KIAA0408: variants seen among roughly 807,000 people sequenced by gnomAD.
KIAA0408 encodes KIAA0408.
KIAA0408 carries 51 observed loss-of-function variants against 60.9 expected under a neutral mutation model. That is an observed-to-expected ratio of 0.84 (90% CI 0.67 to 1.06). KIAA0408 has a LOEUF of 1.06. Ranked by LOEUF, KIAA0408 falls within the 50% of genes least tolerant of loss-of-function variation. The probability of loss-of-function intolerance (pLI) is 0.00; values close to 1 mark genes in which losing one functional copy is unlikely to be tolerated. For synonymous variants in KIAA0408, 304 were observed against 282.4 expected (o/e 1.08, Z -0.77); for missense variants, 787 against 833.9 (o/e 0.94, Z 0.69).
At chr6:127,449,081 A>G (rs1773252881) in intron 4 of KIAA0408, among the ~76,000 whole-genome samples, 1 of 152,328 alleles carries the variant, frequency 6.6e-6, no homozygotes, top group South Asian at 2.1e-4. Flanking sequence ...AGTGCTCTTA[A>G]GCATTAAATA....
intron 1 of KIAA0408, 37 bp from the exon 2 acceptor site, chr6:127,454,138 T>C (rs1413154946): frequency 7.7e-7 from 1 of 1,301,906 alleles, no homozygotes; most frequent in Non-Finnish European, 9.8e-7. Flanking sequence ...TCCAAATCCA[T>C]GTGCTTTCTG....
Position 127,444,030 on chromosome 6 carries a change from T to G in KIAA0408, c.*79A>C. On this transcript the variant is annotated 3_prime_UTR_variant, in exon 6 of 6. Transcript: ENST00000483725. ...AAATTGCTTGTCGGAAGAGAACAGG[T>G]CCGCCTGTAAACACTCAGAATGCTC... 1 of 1,344,004 alleles carries G rather than the reference T, an allele frequency of 7.4e-7. No homozygotes were observed. The highest frequency in any genetic ancestry group is 2.4e-5 in the East Asian group (1 of 41,456). 83.3% of individuals were successfully genotyped at this position (1,344,004 alleles called of 1,614,324 possible). A position where few individuals can be genotyped will look rare whatever the true frequency, so the allele number is the denominator to read the frequency against.
intron 2 of KIAA0408, among the ~76,000 whole-genome samples, chr6:127,453,211 A>C: frequency 6.6e-6 from 1 of 152,136 alleles, no homozygotes. Flanking sequence ...CTTGAAGGAA[A>C]TATTTCAGGG....
Position 127,450,274 on chromosome 6 carries a change from T to C in KIAA0408, c.214A>G (p.Thr72Ala), listed in dbSNP as rs1773279580. Residue 72 changes from threonine to alanine, a missense_variant, in exon 3 of 6, where the codon ACC becomes GCC. Transcript: ENST00000483725. The part of the protein sequence containing the change: ...AKIIDLYHEK[T>A]IPEKVIESSP... ...GATTCTATCACTTTCTCTGGAATGGTCTTCTCATGGTAAAGATCAATGATC... is the reference window on the plus strand; with the variant it reads ...GATTCTATCACTTTCTCTGGAATGGCCTTCTCATGGTAAAGATCAATGATC... 1.9e-6 allele frequency: 3 copies of C among 1,613,866 alleles called. No homozygotes were observed. Among genetic ancestry groups the C allele is most frequent in the Non-Finnish European group, 2.5e-6 (3 of 1,179,948 alleles).
rs770770015 is a variant in KIAA0408 at position 127,449,876 on chromosome 6, C to T, written c.524G>A (p.Ser175Asn). 1.9e-6 allele frequency: 3 copies of T among 1,614,088 alleles called. No individual in the cohort carries two copies. The highest frequency in any genetic ancestry group is 2.2e-5 in the East Asian group (1 of 44,870). Residue 175 changes from serine to asparagine, a missense_variant, in exon 4 of 6, where the codon AGT (serine) becomes AAT (asparagine). By Grantham distance (46) the Ser-to-Asn change is conservative. This residue lies in a region of KIAA0408 where 640 missense variants were observed against 681.3 expected (regional missense o/e 0.94). Transcript: ENST00000483725. Reference sequence around the variant, plus strand: ...CTCTTGAAAGCTGCATAATTCTTCACTCACCTTCGCAAGTTCTTCAAGAGC... The same window carrying T: ...CTCTTGAAAGCTGCATAATTCTTCATTCACCTTCGCAAGTTCTTCAAGAGC... ...STALEELAKV[S>N]EELCSFQEEI...
rs1207060751 is a variant in KIAA0408, at chr6:127,438,798, T to G, written c.*5311A>C. ...TGAACTGGTTTGTGCAGCATGTGAC[T>G]GTAATTTTGAGTGAGGTTTATATTG... On this transcript the variant is annotated 3_prime_UTR_variant, in exon 6 of 6. Transcript: ENST00000483725. 1 of 152,256 alleles carries G rather than the reference T, an allele frequency of 6.6e-6. No homozygotes were observed. Among genetic ancestry groups the G allele is most frequent in the Non-Finnish European group, 1.5e-5 (1 of 68,044 alleles). The allele number at this position is 152,256 out of a possible 1,614,324, so 9.4% of individuals were successfully genotyped here. A position where few individuals can be genotyped will look rare whatever the true frequency, so the allele number is the denominator to read the frequency against.
intron 4 of KIAA0408, among the ~76,000 whole-genome samples, chr6:127,449,132 T>G (rs1274270551): frequency 6.6e-6 from 1 of 152,224 alleles, no homozygotes; most frequent in East Asian, 1.9e-4. Context: ...CGCCACACTG[T>G]TAATTCTGAC....
intron 1 of KIAA0408, among the ~76,000 whole-genome samples, chr6:127,456,705 G>T (rs1773399531): frequency 6.6e-6 from 1 of 151,974 alleles, no homozygotes; most frequent in South Asian, 2.1e-4. Context: ...GGCCTTCTTA[G>T]CATCTCAGTC....
In KIAA0408 at chr6:127,443,166, T is replaced by G. The variant is rs951780041; in HGVS notation, c.*943A>C. 6.2e-4 allele frequency: 95 copies of G among 152,298 alleles called. No individual in the cohort carries two copies. The highest frequency in any genetic ancestry group is 2.2e-3 in the African/African-American group (93 of 41,592). 9.4% of individuals were successfully genotyped at this position (152,298 alleles called of 1,614,324 possible). ...CCTCTAAGTATGTATGACTCCATGT[T>G]AAAGCAGCTAAACTAAAAGCTTACC... On this transcript the variant is annotated 3_prime_UTR_variant, in exon 6 of 6. Transcript: ENST00000483725.
rs111692786 is a variant in KIAA0408, at chr6:127,450,453, T to G, written c.136-101A>C. ...ACCGCTTTGAGTTCTCTTTGCCATA[T>G]TAAAATATACTTCCTGGGTATTAAT... On this transcript the variant is annotated intron_variant, in intron 2 of 5. Coordinates refer to ENST00000483725, the MANE Select transcript of KIAA0408 (RefSeq NM_014702.5). 2.1e-5 allele frequency: 30 copies of G among 1,436,120 alleles called. No homozygotes were observed. The African/African-American group carries it at 2.4e-4, about 12-fold the overall frequency. The allele number at this position is 1,436,120 out of a possible 1,614,324, so 89.0% of individuals were successfully genotyped here. A position where few individuals can be genotyped will look rare whatever the true frequency, so the allele number is the denominator to read the frequency against.
chr6:127,453,070 T>A (rs1160732396), intron 2 of KIAA0408, among the ~76,000 whole-genome samples: 8 of 152,094 alleles, frequency 5.3e-5, no homozygotes, highest in Non-Finnish European at 1.0e-4. Context: ...CAAGAAGTCT[T>A]AAAATAACAA....
intron 5 of KIAA0408, among the ~76,000 whole-genome samples, chr6:127,445,262 A>G (rs558448576): frequency 6.6e-6 from 1 of 152,328 alleles, no homozygotes; most frequent in South Asian, 2.1e-4. Flanking sequence ...CTCCCAATGA[A>G]TGCAAAAAGG....
Position 127,449,979 on chromosome 6 carries a change from A to G in KIAA0408, c.498+11T>C, listed in dbSNP as rs1276389508. The G allele has an allele frequency of 1.2e-6, 2 of 1,613,656 alleles. No homozygotes were observed. Among genetic ancestry groups the G allele is most frequent in the Non-Finnish European group, 1.7e-6 (2 of 1,179,878 alleles). On this transcript the variant is annotated intron_variant, in intron 3 of 5. Transcript: ENST00000483725. The stretch of plus-strand genomic sequence containing the variant: ...TTAGAAACAGTTCTAGGCCAATCAC[A>G]TCTTACTTACTGTACTGAGGGCGCC...
intron 4 of KIAA0408, among the ~76,000 whole-genome samples, chr6:127,449,511 G>A (rs994056503): frequency 1.3e-5 from 2 of 152,092 alleles, no homozygotes; most frequent in African/African-American, 2.4e-5. Flanking sequence ...AACTAGCTGG[G>A]CGTGGTGGTG....
intron 5 of KIAA0408, among the ~76,000 whole-genome samples, chr6:127,445,654 G>T (rs1485186554): frequency 1.3e-5 from 2 of 152,128 alleles, no homozygotes; most frequent in Non-Finnish European, 2.9e-5. Flanking sequence ...AAAATTATAT[G>T]AGTAAAAGAG....
At chr6:127,445,833 T>C (rs1309814295) in intron 5 of KIAA0408, among the ~76,000 whole-genome samples, 1 of 152,138 alleles carries the variant, frequency 6.6e-6, no homozygotes, top group African/African-American at 2.4e-5. Context: ...ATGCTAAGAA[T>C]ACATACAAAT....
Position 127,446,389 on chromosome 6 carries a change from G to A in KIAA0408, c.1911+19C>T, listed in dbSNP as rs1294242872. ...GCTAATATGGATGCTACCAAATTAT[G>A]TTATATTTGCTTTCTCACCTCTGTT... is the stretch of plus-strand genomic sequence containing the variant. On this transcript the variant is annotated intron_variant, in intron 5 of 5. Transcript: ENST00000483725. 1 of 1,590,578 alleles carries A rather than the reference G, an allele frequency of 6.3e-7. No homozygotes were observed. The highest frequency in any genetic ancestry group is 1.7e-4 in the Middle Eastern group (1 of 5,942).
chr6:127,445,062 T>A (rs1773167188), intron 5 of KIAA0408, among the ~76,000 whole-genome samples: 1 of 152,194 alleles, frequency 6.6e-6, no homozygotes, highest in Non-Finnish European at 1.5e-5. Flanking sequence ...AAGCCTGTGC[T>A]CTTTCATCTG....
intron 1 of KIAA0408, among the ~76,000 whole-genome samples, chr6:127,456,104 A>G (rs1773387873): frequency 6.6e-6 from 1 of 152,176 alleles, no homozygotes; most frequent in African/African-American, 2.4e-5. Flanking sequence ...GCTGACTAGA[A>G]AGTATTTGCC....
Sources: gnomAD v4.1 joint callset for allele counts (sites outside exome capture counted in the v4.1 genomes callset) on GRCh38, gnomAD v4.1.1 for gene constraint, gnomAD v4.1.1 regional missense constraint, MANE v1.5 for transcripts, NCBI Gene and HGNC (gene_info 2026-07-23, HGNC 2026-07-21) for gene names.